The following SRGAP2 variants were observed in gnomAD, a reference collection of about 807,000 sequenced individuals.
The protein encoded by SRGAP2 is SLIT-ROBO Rho GTPase activating protein 2, also known as SLIT-ROBO Rho GTPase-activating protein 2.
In SRGAP2, 15 loss-of-function variants were observed where a neutral mutation model predicts 57.2. The observed-to-expected ratio is 0.26, with a 90% CI of 0.18 to 0.40. The LOEUF is 0.40. Among genes scored for constraint, SRGAP2 ranks in the 10% least tolerant of loss-of-function variants. The pLI is 1.00. For missense variants in SRGAP2, 520 were observed against 669.6 expected (o/e 0.78, Z 2.47); for synonymous variants, 249 against 248.0 (o/e 1.00, Z -0.04).
chr1:206,417,538 CT>C (rs1200625804), intron 11 of SRGAP2, among the ~76,000 whole-genome samples: 1 of 151,446 alleles, frequency 6.6e-6, no homozygotes, highest in Non-Finnish European at 1.5e-5. Flanking sequence ...CCACCTCAGC[CT>C]CCTGAATAGC....
intron 21 of SRGAP2, among the ~76,000 whole-genome samples, chr1:206,456,579 T>C (rs748742236): frequency 4.5e-4 from 69 of 152,072 alleles, no homozygotes; most frequent in Non-Finnish European, 9.7e-4. Context: ...TGCATAGAAA[T>C]TGTAGAGAGT....
At chr1:206,270,725 T>A (rs1190691679) in intron 2 of SRGAP2, among the ~76,000 whole-genome samples, 1 of 62,056 alleles carries the variant, frequency 1.6e-5, no homozygotes, top group Non-Finnish European at 2.9e-5. Flanking sequence ...ATGAAAAAAA[T>A]GTGGCACACG....
intron 3 of SRGAP2, among the ~76,000 whole-genome samples, chr1:206,318,905 A>G (rs1553326771): frequency 6.6e-6 from 1 of 151,768 alleles, no homozygotes; most frequent in African/African-American, 2.4e-5. Flanking sequence ...ACATTTCAAC[A>G]TGAGATTTGG....
Position 206,463,236 on chromosome 1 carries a change from C to T in SRGAP2, c.*1816C>T, listed in dbSNP as rs1664371069. The T allele has an allele frequency of 6.6e-6, 1 of 152,394 alleles. No individual in the cohort carries two copies. Among genetic ancestry groups the T allele is most frequent in the Non-Finnish European group, 1.5e-5 (1 of 68,010 alleles). The allele number at this position is 152,394 out of a possible 1,614,324, so 9.4% of individuals were successfully genotyped here. ...AGGCTAACCTGCAGCACCAGAGAAACCTTTCCAAGTGCTAGGCAGGAGAAC... is the reference window on the plus strand; with the variant it reads ...AGGCTAACCTGCAGCACCAGAGAAATCTTTCCAAGTGCTAGGCAGGAGAAC... On this transcript the variant is annotated 3_prime_UTR_variant, in exon 23 of 23. Coordinates refer to ENST00000573034, the MANE Select transcript of SRGAP2 (RefSeq NM_015326.5).
intron 2 of SRGAP2, among the ~76,000 whole-genome samples, chr1:206,240,766 C>G (rs1668172922): frequency 1.3e-5 from 2 of 152,190 alleles, no homozygotes; most frequent in African/African-American, 4.8e-5. Context: ...AACACAGGTC[C>G]TAGGAACTGG....
chr1:206,427,264 T>G (rs188123719), intron 13 of SRGAP2, among the ~76,000 whole-genome samples: 91 of 152,280 alleles, frequency 6.0e-4, no homozygotes, highest in Non-Finnish European at 6.6e-4. Flanking sequence ...TTCTGGCATT[T>G]TCATAGTGGA....
At position 206,393,628 on chromosome 1, in the gene SRGAP2, A is replaced by T. The variant is rs781834965; in HGVS notation, c.786A>T (p.Ala262=). 6 of 750,802 alleles carry T rather than the reference A, an allele frequency of 8.0e-6. No homozygotes were observed. Among genetic ancestry groups the T allele is most frequent in the Non-Finnish European group, 1.5e-5 (6 of 403,920 alleles). The allele number at this position is 750,802 out of a possible 1,614,324, so 46.5% of individuals were successfully genotyped here. A position where few individuals can be genotyped will look rare whatever the true frequency, so the allele number is the denominator to read the frequency against. ...TGCTGGCTTTGGAGGCAACCAATGCATCTGTCTTCAAGTACTACATCCATG... is the reference window on the plus strand; with the variant it reads ...TGCTGGCTTTGGAGGCAACCAATGCTTCTGTCTTCAAGTACTACATCCATG... The part of the protein sequence containing the change: ...EYLLALEATN[A]SVFKYYIHDL... Residue 262 remains alanine, a synonymous_variant, in exon 7 of 23, where the codon GCA becomes GCT. Transcript: ENST00000573034.
At chr1:206,399,144 G>A (rs1657898862) in intron 7 of SRGAP2, among the ~76,000 whole-genome samples, 1 of 152,176 alleles carries the variant, frequency 6.6e-6, no homozygotes, top group Non-Finnish European at 1.5e-5. Context: ...CCTAAACAGA[G>A]AGTATTTCAT....
At chr1:206,390,723 T>TG (rs1656853509) in intron 5 of SRGAP2, among the ~76,000 whole-genome samples, 1 of 152,086 alleles carries the variant, frequency 6.6e-6, no homozygotes, top group Non-Finnish European at 1.5e-5. Flanking sequence ...CCTGGAAAGC[T>TG]GGGGGTCTGT....
At chr1:206,278,612 C>T (rs1368539762) in intron 2 of SRGAP2, among the ~76,000 whole-genome samples, 2 of 144,876 alleles carry the variant, frequency 1.4e-5, no homozygotes, top group Non-Finnish European at 3.0e-5. Context: ...CCTCCCACCT[C>T]AGCTTCCTAA....
intron 4 of SRGAP2, among the ~76,000 whole-genome samples, chr1:206,370,435 G>A (rs4845033): frequency 0.47 from 70,988 of 151,950 alleles, 16,885 homozygotes; most frequent in East Asian, 0.7. Flanking sequence ...AGAAGGAAGT[G>A]CTGATACATG....
At chr1:206,205,098 G>A (rs1571555870) in intron 1 of SRGAP2, 3 of 151,778 alleles carry the variant, frequency 2.0e-5, no homozygotes, top group South Asian at 4.1e-4. Flanking sequence ...TAGGTCGGGA[G>A]GGCTCCCTCG....
At chr1:206,255,438 A>C (rs1450064915) in intron 2 of SRGAP2, among the ~76,000 whole-genome samples, 1 of 137,304 alleles carries the variant, frequency 7.3e-6, no homozygotes, top group African/African-American at 2.7e-5. Flanking sequence ...AGGGAGTAGC[A>C]TACTCTGGCT....
intron 5 of SRGAP2, among the ~76,000 whole-genome samples, chr1:206,387,350 G>A (rs1486444742): frequency 6.8e-6 from 1 of 148,094 alleles, no homozygotes; most frequent in Non-Finnish European, 1.5e-5. Context: ...GCATGGGAGA[G>A]TGGTTTTATC....
chr1:206,438,001 C>T lies in SRGAP2; in HGVS notation c.1671C>T (p.Asp557=), dbSNP rs1661928800. ...TGGCTGGGGACCAGAACGACCATGA[C>T]ATGGATTCCATAGCTGGTGTCCTGA... ...DPLAGDQNDH[D]MDSIAGVLKL... Residue 557 remains aspartate, a synonymous_variant, in exon 16 of 23, where the codon GAC becomes GAT. Coordinates refer to ENST00000573034, the MANE Select transcript of SRGAP2 (RefSeq NM_015326.5). The T allele has an allele frequency of 5.1e-6, 4 of 780,918 alleles. No homozygotes were observed. Among genetic ancestry groups the T allele is most frequent in the Non-Finnish European group, 9.6e-6 (4 of 417,966 alleles). 48.4% of individuals were successfully genotyped at this position (780,918 alleles called of 1,614,324 possible).
intron 4 of SRGAP2, among the ~76,000 whole-genome samples, chr1:206,371,423 A>G (rs1387945159): frequency 6.6e-6 from 1 of 152,204 alleles, no homozygotes; most frequent in Non-Finnish European, 1.5e-5. Flanking sequence ...GAGGAGCAAC[A>G]GAAACTATAT....
chr1:206,396,069 G>A (rs1349087895), intron 7 of SRGAP2, among the ~76,000 whole-genome samples: 1 of 145,958 alleles, frequency 6.9e-6, no homozygotes, highest in Non-Finnish European at 1.5e-5. Context: ...TGCAAGCTCC[G>A]CCTCCCAGGT....
intron 4 of SRGAP2, among the ~76,000 whole-genome samples, chr1:206,354,652 A>G (rs1318610671): frequency 6.6e-6 from 1 of 152,174 alleles, no homozygotes; most frequent in Non-Finnish European, 1.5e-5. Flanking sequence ...TGAACATTAT[A>G]ATGGGAAGTT....
chr1:206,310,423 C>T (rs558118640), intron 3 of SRGAP2, among the ~76,000 whole-genome samples: 4 of 152,174 alleles, frequency 2.6e-5, no homozygotes, highest in Non-Finnish European at 5.9e-5. Context: ...ATGTGAAATT[C>T]GAAATTATCC....
Sources: gnomAD v4.1 joint callset for allele counts (sites outside exome capture counted in the v4.1 genomes callset) on GRCh38, gnomAD v4.1.1 for gene constraint, MANE v1.5 for transcripts, NCBI Gene and HGNC (gene_info 2026-07-23, HGNC 2026-07-21) for gene names.